MYO1D: variants seen among roughly 807,000 people sequenced by gnomAD.
MYO1D encodes unconventional myosin-Id.
A neutral mutation model predicts 122.0 loss-of-function variants in MYO1D; 83 were observed. The ratio of observed to expected loss-of-function variants is 0.68; its 90% CI spans 0.57 to 0.82. MYO1D has a LOEUF of 0.82. Among genes scored for constraint, MYO1D ranks in the 40% least tolerant of loss-of-function variants. The pLI is 0.00. For synonymous variants in MYO1D, 464 were observed against 446.9 expected (o/e 1.04, Z -0.48); for missense variants, 1,157 against 1,269.5 (o/e 0.91, Z 1.35).
rs146895288 is a variant in MYO1D, at chr17:32,868,497, C to T, written c.95+8281G>A. 5.5e-4 allele frequency among the ~76,000 whole-genome samples: 84 copies of T among 151,950 alleles called. 2 individuals are homozygous for T. The East Asian group carries it at 0.015, about 27-fold the overall frequency. On this transcript the variant is annotated intron_variant, in intron 1 of 21. Coordinates refer to ENST00000318217, the MANE Select transcript of MYO1D (RefSeq NM_015194.3). ...CAAACTTTCATCCTTGCCCCCCAAA[C>T]AAAATCAAAACAAACAAAAAAGACA...
chr17:32,535,476 G>A (rs1362060358), intron 21 of MYO1D, among the ~76,000 whole-genome samples: 1 of 152,190 alleles, frequency 6.6e-6, no homozygotes, highest in South Asian at 2.1e-4. Context: ...GGCCGGGCGC[G>A]GTGGCTCACG....
chr17:32,741,061 T>C (rs1199255005), intron 13 of MYO1D, among the ~76,000 whole-genome samples: 1 of 151,796 alleles, frequency 6.6e-6, no homozygotes, highest in African/African-American at 2.4e-5. Context: ...CCAAGGAACA[T>C]TGCTTAAATA....
At chr17:32,655,463 G>C (rs1394411741) in intron 17 of MYO1D, among the ~76,000 whole-genome samples, 1 of 152,150 alleles carries the variant, frequency 6.6e-6, no homozygotes, top group African/African-American at 2.4e-5. Flanking sequence ...GGTTTATATA[G>C]GGTGGTTTAT....
chr17:32,689,973 G>A (rs556336061), intron 16 of MYO1D, among the ~76,000 whole-genome samples: 4 of 152,152 alleles, frequency 2.6e-5, no homozygotes, highest in Admixed American at 6.5e-5. Flanking sequence ...TTATCCACCC[G>A]CCACAGTCTC....
chr17:32,587,031 C>T (rs2087392558), intron 21 of MYO1D, among the ~76,000 whole-genome samples: 1 of 152,202 alleles, frequency 6.6e-6, no homozygotes, highest in African/African-American at 2.4e-5. Flanking sequence ...ATACCATTTT[C>T]TCTAAACGGT....
intron 13 of MYO1D, among the ~76,000 whole-genome samples, chr17:32,743,480 C>T (rs1047370902): frequency 6.6e-6 from 1 of 152,120 alleles, no homozygotes; most frequent in Admixed American, 6.5e-5. Flanking sequence ...TTCCGTCTTC[C>T]TCTCACACCA....
At chr17:32,740,681 T>G (rs1057269859) in intron 13 of MYO1D, among the ~76,000 whole-genome samples, 3 of 152,094 alleles carry the variant, frequency 2.0e-5, no homozygotes, top group African/African-American at 7.2e-5. Flanking sequence ...CCCTATGTTG[T>G]CCAGGCTGGT....
chr17:32,605,399 A>T (rs2087614884), intron 20 of MYO1D, among the ~76,000 whole-genome samples, 158 bp from the exon 21 acceptor site: 1 of 152,148 alleles, frequency 6.6e-6, no homozygotes, highest in Non-Finnish European at 1.5e-5. Context: ...GTTTGAATCC[A>T]GCCTGGACAA....
chr17:32,664,511 G>A (rs561667041), intron 16 of MYO1D, among the ~76,000 whole-genome samples: 15 of 152,262 alleles, frequency 9.9e-5, no homozygotes, highest in African/African-American at 3.1e-4. Context: ...GCCAAAAGGG[G>A]CCCTGCTTCA....
intron 20 of MYO1D, chr17:32,632,574 TATATATATATATACACACACACAC>T (rs1344878313): frequency 4.2e-3 from 472 of 111,538 alleles, no homozygotes; most frequent in African/African-American, 0.02. Context: ...TATATATATA[TATATATATATATACACACACACAC>T]ACACACACAC....
intron 1 of MYO1D, among the ~76,000 whole-genome samples, chr17:32,828,515 C>CAAAA (rs137921871): frequency 4.5e-3 from 324 of 71,234 alleles, no homozygotes; most frequent in Non-Finnish European, 5.1e-3. Flanking sequence ...GACTCCGTCT[C>CAAAA]AAAAAAAAAA....
chr17:32,716,023 A>AT (rs1598034343), intron 15 of MYO1D, among the ~76,000 whole-genome samples: 2 of 151,614 alleles, frequency 1.3e-5, no homozygotes, highest in Admixed American at 6.6e-5. Flanking sequence ...TTTCCAATCC[A>AT]TTCTGCATAC....
chr17:32,737,426 T>C (rs1157307016), intron 14 of MYO1D, among the ~76,000 whole-genome samples: 2 of 151,858 alleles, frequency 1.3e-5, no homozygotes, highest in Non-Finnish European at 2.9e-5. Context: ...AGTGGTGTGA[T>C]CTTGGCTCAC....
intron 21 of MYO1D, among the ~76,000 whole-genome samples, chr17:32,502,366 C>T (rs1334848634): frequency 1.3e-5 from 2 of 152,122 alleles, no homozygotes; most frequent in African/African-American, 4.8e-5. Flanking sequence ...GGCAAAGCCA[C>T]GGAGGCAGAA....
chr17:32,643,296 T>A (rs1386972496), intron 19 of MYO1D, among the ~76,000 whole-genome samples: 1 of 152,226 alleles, frequency 6.6e-6, no homozygotes, highest in Non-Finnish European at 1.5e-5. Context: ...GTGGATAAGC[T>A]TTTTGATGTG....
At chr17:32,592,988 C>T (rs952888612) in intron 21 of MYO1D, among the ~76,000 whole-genome samples, 1 of 152,206 alleles carries the variant, frequency 6.6e-6, no homozygotes, top group Non-Finnish European at 1.5e-5. Flanking sequence ...CTCTGCTTCA[C>T]TCTCTTCCAA....
chr17:32,799,583 A>G (rs1019852848), intron 1 of MYO1D, among the ~76,000 whole-genome samples: 1 of 152,154 alleles, frequency 6.6e-6, no homozygotes, highest in Non-Finnish European at 1.5e-5. Flanking sequence ...TAAAGCTACT[A>G]GAAGAAAACA....
intron 1 of MYO1D, among the ~76,000 whole-genome samples, chr17:32,852,939 C>T (rs572472343): frequency 6.6e-6 from 1 of 152,110 alleles, no homozygotes; most frequent in Non-Finnish European, 1.5e-5. Context: ...GACTGTAACA[C>T]CTATGTCCTG....
At chr17:32,831,193 AAT>A (rs1313440997) in intron 1 of MYO1D, among the ~76,000 whole-genome samples, 1 of 152,254 alleles carries the variant, frequency 6.6e-6, no homozygotes, top group African/African-American at 2.4e-5. Context: ...GCAGCAATTT[AAT>A]AGAGTGCTAA....
Sources: gnomAD v4.1 joint callset for allele counts (sites outside exome capture counted in the v4.1 genomes callset) on GRCh38, gnomAD v4.1.1 for gene constraint, MANE v1.5 for transcripts, NCBI Gene and HGNC (gene_info 2026-07-23, HGNC 2026-07-21) for gene names.